Variants in CNOT2 observed in about 807,000 individuals in gnomAD.
The protein encoded by CNOT2 is CCR4-NOT transcription complex subunit 2.
A neutral mutation model predicts 72.1 loss-of-function variants in CNOT2; 7 were observed. That is an observed-to-expected ratio of 0.10 (90% confidence interval 0.06 to 0.18). The LOEUF (loss-of-function observed/expected upper bound fraction) is 0.18, where lower values mean the gene tolerates loss of function less well. CNOT2 is among the 10% of genes least tolerant of loss of function. CNOT2 has a pLI of 1.00. For missense variants in CNOT2, 345 were observed against 660.3 expected (o/e 0.52, Z 5.23); for synonymous variants, 196 against 225.6 (o/e 0.87, Z 1.17).
chr12:70,283,551 T>A (rs879859152), intron 2 of CNOT2, among the ~76,000 whole-genome samples: 12 of 151,292 alleles, frequency 7.9e-5, no homozygotes, highest in Non-Finnish European at 1.5e-4. Context: ...AGTTGTCAGA[T>A]CTGGTGCCCA....
chr12:70,252,413 C>T (rs1027144639), intron 1 of CNOT2, among the ~76,000 whole-genome samples: 6 of 152,152 alleles, frequency 3.9e-5, no homozygotes, highest in African/African-American at 1.4e-4. Flanking sequence ...TCTTGAACTC[C>T]TGCGCTCAAG....
intron 1 of CNOT2, among the ~76,000 whole-genome samples, chr12:70,252,438 C>T (rs1958186271): frequency 1.3e-5 from 2 of 152,136 alleles, no homozygotes; most frequent in Admixed American, 1.3e-4. Flanking sequence ...CTGCCTGCCT[C>T]ATCTTCCCAA....
intron 2 of CNOT2, among the ~76,000 whole-genome samples, chr12:70,289,009 T>G (rs1171529500): frequency 6.6e-6 from 1 of 152,000 alleles, no homozygotes; most frequent in Non-Finnish European, 1.5e-5. Context: ...CTTCTCTCCT[T>G]TCGCTTTTTT....
At chr12:70,352,512 T>G (rs1050264708) in intron 15 of CNOT2, among the ~76,000 whole-genome samples, 1 of 152,204 alleles carries the variant, frequency 6.6e-6, no homozygotes, top group Non-Finnish European at 1.5e-5. Context: ...GTTTTCATTT[T>G]AATTTAATAA....
chr12:70,287,493 T>C lies in CNOT2; in HGVS notation c.48+9219T>C, dbSNP rs991739780. On this transcript the variant is annotated intron_variant, in intron 2 of 15. Transcript: ENST00000229195. ...TTATCTTTTTGTTGCTGATTTCTCA[T>C]ATAATTCCATTTTGGTTCAAGAATG... is the stretch of plus-strand genomic sequence containing the variant. Among the ~76,000 whole-genome samples the C allele has an allele frequency of 3.5e-4, 53 of 149,934 alleles. 2 individuals are homozygous for C. Among genetic ancestry groups the C allele is most frequent in the African/African-American group, 1.1e-3 (47 of 41,380 alleles).
chr12:70,300,896 T>C (rs1324679104), intron 2 of CNOT2, among the ~76,000 whole-genome samples: 1 of 152,202 alleles, frequency 6.6e-6, no homozygotes, highest in Non-Finnish European at 1.5e-5. Context: ...TTTATTTCAT[T>C]GAGCAGTGGT....
At chr12:70,333,983 C>G (rs898333118) in intron 7 of CNOT2, among the ~76,000 whole-genome samples, 2 of 151,866 alleles carry the variant, frequency 1.3e-5, no homozygotes, top group Non-Finnish European at 2.9e-5. Flanking sequence ...TTATACAGTG[C>G]TATAAAACTT....
intron 4 of CNOT2, chr12:70,327,495 C>T (rs1470336734): frequency 6.6e-6 from 1 of 151,634 alleles, no homozygotes; most frequent in Non-Finnish European, 1.5e-5. Flanking sequence ...TTTGTGTTGC[C>T]GTGGAGAAGT....
intron 15 of CNOT2, among the ~76,000 whole-genome samples, chr12:70,352,476 C>G (rs970871841): frequency 6.6e-6 from 1 of 152,084 alleles, no homozygotes; most frequent in African/African-American, 2.4e-5. Flanking sequence ...GGTGTTCCAT[C>G]TTAAAATTTG....
rs530409581 is a variant in CNOT2 at position 70,310,167 on chromosome 12, G to A, written c.49-728G>A. Among the ~76,000 whole-genome samples, 295 of 152,158 alleles carry A rather than the reference G, an allele frequency of 1.9e-3. 1 individual carries two copies. The highest frequency in any genetic ancestry group is 5.6e-3 in the Admixed American group (86 of 15,274). On this transcript the variant is annotated intron_variant, in intron 2 of 15. Transcript: ENST00000229195. Reference sequence around the variant, plus strand: ...TTTTATGTGAGAGAATTGAGCATCCGTGGATTTTATTTTTTAATCCATGAG... The same window carrying A: ...TTTTATGTGAGAGAATTGAGCATCCATGGATTTTATTTTTTAATCCATGAG...
intron 2 of CNOT2, 90 bp from the exon 3 acceptor site, chr12:70,310,805 C>T: frequency 9.5e-7 from 1 of 1,055,514 alleles, no homozygotes. Flanking sequence ...TAGCAATGCT[C>T]CCTTCATGTT....
At position 70,310,931 on chromosome 12, in the gene CNOT2, T is replaced by G. The variant is rs2135956065; in HGVS notation, c.85T>G (p.Phe29Val). ...NSMFGASRKKFVEGVDSDYHD... is the reference protein window; with the variant it reads ...NSMFGASRKKVVEGVDSDYHD... ...CATGTTTGGTGCTTCAAGAAAGAAG[T>G]TTGTAGAGGGGGTCGACAGTGACTA... Residue 29 changes from phenylalanine to valine, a missense_variant, in exon 3 of 16, where the codon TTT becomes GTT. By Grantham distance (50) the Phe-to-Val change is conservative. Transcript: ENST00000229195. 6.2e-7 allele frequency: 1 copy of G among 1,611,646 alleles called. No homozygotes were observed. The highest frequency in any genetic ancestry group is 2.2e-5 in the East Asian group (1 of 44,824).
chr12:70,273,327 C>T (rs1378286619), intron 1 of CNOT2, among the ~76,000 whole-genome samples: 1 of 151,424 alleles, frequency 6.6e-6, no homozygotes, highest in African/African-American at 2.4e-5. Context: ...TTTTTTTAGT[C>T]AACAGCATTT....
intron 2 of CNOT2, among the ~76,000 whole-genome samples, chr12:70,299,971 C>A (rs1379385982): frequency 2.0e-5 from 3 of 152,158 alleles, no homozygotes; most frequent in Non-Finnish European, 2.9e-5. Context: ...TCTCTAATGG[C>A]CAGTGATGAT....
chr12:70,244,423 A>G (rs1475663556), intron 1 of CNOT2: 1 of 152,294 alleles, frequency 6.6e-6, no homozygotes, highest in African/African-American at 2.4e-5. Flanking sequence ...GTGAAAGCTG[A>G]TAACTCTTGG....
chr12:70,335,586 G>GC, intron 8 of CNOT2, 23 bp downstream of exon 8: 1 of 1,592,240 alleles, frequency 6.3e-7, no homozygotes. Flanking sequence ...TTTAATGATG[G>GC]CCAGTAGAAA....
At chr12:70,320,036 TTA>T (rs1878029623) in intron 4 of CNOT2, among the ~76,000 whole-genome samples, 2 of 151,712 alleles carry the variant, frequency 1.3e-5, no homozygotes, top group African/African-American at 4.8e-5. Flanking sequence ...TAAAATATCT[TTA>T]TATTTTCTCA....
intron 7 of CNOT2, among the ~76,000 whole-genome samples, chr12:70,334,189 A>C (rs1440209880): frequency 6.6e-6 from 1 of 151,994 alleles, no homozygotes; most frequent in African/African-American, 2.4e-5. Flanking sequence ...TATATTCAAA[A>C]TGTATGACTC....
intron 15 of CNOT2, 79 bp downstream of exon 15, chr12:70,346,403 C>A: frequency 1.7e-6 from 2 of 1,155,418 alleles, no homozygotes; most frequent in South Asian, 1.3e-5. Flanking sequence ...TTATAAGTAC[C>A]AATACATCCA....
Sources: gnomAD v4.1 joint callset for allele counts (sites outside exome capture counted in the v4.1 genomes callset) on GRCh38, gnomAD v4.1.1 for gene constraint, MANE v1.5 for transcripts, NCBI Gene and HGNC (gene_info 2026-07-23, HGNC 2026-07-21) for gene names.